Variants in ZNF787 observed in about 807,000 individuals in gnomAD.
ZNF787 encodes the protein zinc finger protein 787.
ZNF787 carries 7 observed loss-of-function variants against 16.9 expected under a neutral mutation model. The ratio of observed to expected loss-of-function variants is 0.42; its 90% CI spans 0.24 to 0.78. The LOEUF is 0.78. ZNF787 is among the 30% of genes least tolerant of loss of function. The pLI is 0.30. For missense variants in ZNF787, 551 were observed against 589.3 expected, an observed-to-expected ratio of 0.94 and a Z score of 0.67; for synonymous variants, 345 against 270.9, an observed-to-expected ratio of 1.27 and a Z score of -2.69.
chr19:56,096,410 C>A (rs1985876101), intron 2 of ZNF787, among the ~76,000 whole-genome samples: 1 of 151,772 alleles, frequency 6.6e-6, no homozygotes, highest in African/African-American at 2.4e-5. Flanking sequence ...CAGAGCAAGA[C>A]CCTGTCTCCA....
chr19:56,104,531 C>G (rs959115816), intron 1 of ZNF787, among the ~76,000 whole-genome samples: 1 of 151,610 alleles, frequency 6.6e-6, no homozygotes, highest in Admixed American at 6.6e-5. Context: ...ACACACGCCA[C>G]TGATCCGTGC....
In ZNF787 at chr19:56,088,083, G is replaced by T; in HGVS notation, c.1089C>A (p.Asp363Glu). 1 of 1,491,134 alleles carries T rather than the reference G, an allele frequency of 6.7e-7. No individual in the cohort carries two copies. Among genetic ancestry groups the T allele is most frequent in the Non-Finnish European group, 8.9e-7 (1 of 1,129,438 alleles). The allele number at this position is 1,491,134 out of a possible 1,614,324, so 92.4% of individuals were successfully genotyped here. The change falls in exon 3 of 3, where the codon GAC becomes GAA. Residue 363 changes from aspartate to glutamate, a missense_variant. Transcript: ENST00000610935. This position sits in a 1 kb window ranked among gnomAD's most constrained non-coding sequence, Gnocchi z 8.6. The stretch of plus-strand genomic sequence containing the variant: ...GCCCGCCCGCGGCCTCGTCGTCGTC[G>T]TCCTCCTCCTCCCCGCCCGCGCGGT... ...SYYRAGGEEEDDDDEAAGGRC... is the reference protein window; with the variant it reads ...SYYRAGGEEEEDDDEAAGGRC...
chr19:56,100,275 A>G (rs1026224990), intron 2 of ZNF787, among the ~76,000 whole-genome samples: 7 of 150,418 alleles, frequency 4.7e-5, no homozygotes, highest in Admixed American at 4.6e-4. Flanking sequence ...ACCCTGCCCC[A>G]TGACCCAGCA....
At chr19:56,099,118 G>A (rs1985993746) in intron 2 of ZNF787, among the ~76,000 whole-genome samples, 1 of 152,174 alleles carries the variant, frequency 6.6e-6, no homozygotes, top group Non-Finnish European at 1.5e-5. Flanking sequence ...GGCCACTGCT[G>A]TCCGGGTTCC....
intron 1 of ZNF787, among the ~76,000 whole-genome samples, chr19:56,116,909 G>A (rs956213942): frequency 5.9e-5 from 9 of 152,158 alleles, no homozygotes; most frequent in South Asian, 2.1e-4. Context: ...CATCAAGCAC[G>A]GATTAAATCC....
In ZNF787 at chr19:56,088,717, C is replaced by A; in HGVS notation, c.455G>T (p.Cys152Phe). The change falls in exon 3 of 3, where the codon TGC becomes TTC. Residue 152 changes from cysteine to phenylalanine, a missense_variant. Coordinates refer to ENST00000610935, the MANE Select transcript of ZNF787 (RefSeq NM_001002836.4). This position sits in a 1 kb window ranked among gnomAD's most constrained non-coding sequence, Gnocchi z 8.6. Reference protein sequence around the residue: ...RIHTGEKPYTCPDCGRSFTQS... With the variant: ...RIHTGEKPYTFPDCGRSFTQS... ...AGTGAAGCTGCGGCCGCAGTCGGGG[C>A]AGGTGTAGGGCTTCTCGCCCGTGTG... 6.2e-7 allele frequency: 1 copy of A among 1,607,994 alleles called. No homozygotes were observed. The highest frequency in any genetic ancestry group is 8.5e-7 in the Non-Finnish European group (1 of 1,178,208).
Position 56,088,056 on chromosome 19 carries a change from C to G in ZNF787, c.1116G>C (p.Arg372=). 7.1e-7 allele frequency: 1 copy of G among 1,416,232 alleles called. No individual in the cohort carries two copies. Among genetic ancestry groups the G allele is most frequent in the South Asian group, 1.5e-5 (1 of 68,594 alleles). The allele number at this position is 1,416,232 out of a possible 1,614,324, so 87.7% of individuals were successfully genotyped here. A position where few individuals can be genotyped will look rare whatever the true frequency, so the allele number is the denominator to read the frequency against. Residue 372 remains arginine (R), a synonymous_variant, in exon 3 of 3, where the codon CGG becomes CGC. Transcript: ENST00000610935. The surrounding 1 kb of genome is among the most constrained non-coding windows in gnomAD (Gnocchi z 8.6). The part of the protein sequence containing the change: ...EDDDDEAAGG[R]CPECRGGEGR ...CCTCCCCACCGCGGCACTCGGGGCA[C>G]CGCCCGCCCGCGGCCTCGTCGTCGT...
intron 2 of ZNF787, 45 bp from the exon 3 acceptor site, chr19:56,089,137 G>GA: frequency 7.2e-7 from 1 of 1,383,204 alleles, no homozygotes. Context: ...GAGAGGCAAG[G>GA]GCTCCACGCC....
chr19:56,102,569 A>G (rs1986141251), intron 2 of ZNF787: 1 of 418,022 alleles, frequency 2.4e-6, no homozygotes, highest in Non-Finnish European at 4.3e-6. Flanking sequence ...TAAACAAACA[A>G]AACACATTGC....
At chr19:56,115,715 C>T (rs546221606) in intron 1 of ZNF787, among the ~76,000 whole-genome samples, 1 of 152,220 alleles carries the variant, frequency 6.6e-6, no homozygotes, top group African/African-American at 2.4e-5. Context: ...AGCACAGCGA[C>T]GGCAGAGACA....
At chr19:56,120,574 G>T (rs1309184586) in intron 1 of ZNF787, among the ~76,000 whole-genome samples, 6 of 152,204 alleles carry the variant, frequency 3.9e-5, no homozygotes, top group African/African-American at 1.4e-4. Context: ...CCTGATCAAA[G>T]GCCACGCGCA....
chr19:56,120,523 T>C (rs947287749), intron 1 of ZNF787, among the ~76,000 whole-genome samples: 1 of 152,066 alleles, frequency 6.6e-6, no homozygotes, highest in African/African-American at 2.4e-5. Flanking sequence ...CAAGGACGAA[T>C]GAATGGGCCT....
At chr19:56,098,987 G>A (rs528537108) in intron 2 of ZNF787, among the ~76,000 whole-genome samples, 3 of 152,308 alleles carry the variant, frequency 2.0e-5, no homozygotes, top group Admixed American at 1.3e-4. Context: ...CACTGCCTCG[G>A]TGTGGCCAGG....
At chr19:56,092,548 A>T (rs1985658945) in intron 2 of ZNF787, among the ~76,000 whole-genome samples, 3 of 150,086 alleles carry the variant, frequency 2.0e-5, no homozygotes, top group Non-Finnish European at 4.4e-5. Flanking sequence ...TTTTAAGATA[A>T]AATTCCTGAG....
Position 56,098,915 on chromosome 19 carries a change from A to C in ZNF787, c.79+4224T>G, listed in dbSNP as rs1599946299. ...AGCCTAGGTGATAAGGCGGCACCAG[A>C]GAGAAGTGGCACAGCAGGACACTGC... is the stretch of plus-strand genomic sequence containing the variant. On this transcript the variant is annotated intron_variant, in intron 2 of 2. Transcript: ENST00000610935. Among the ~76,000 whole-genome samples the C allele has an allele frequency of 2.0e-5, 3 of 151,930 alleles. No individual in the cohort carries two copies. In the South Asian group the frequency reaches 6.2e-4, roughly 31 times the overall value.
At chr19:56,106,228 A>G (rs752112283) in intron 1 of ZNF787, among the ~76,000 whole-genome samples, 1 of 151,678 alleles carries the variant, frequency 6.6e-6, no homozygotes, top group Non-Finnish European at 1.5e-5. Context: ...TGCGTGTCTG[A>G]CTCTTCCACA....
At chr19:56,107,836 GGA>G (rs1568532441) in intron 1 of ZNF787, among the ~76,000 whole-genome samples, 1 of 150,808 alleles carries the variant, frequency 6.6e-6, no homozygotes, top group Admixed American at 6.6e-5. Flanking sequence ...GGGGGCTGCG[GGA>G]GAGGCCGCTC....
intron 2 of ZNF787, among the ~76,000 whole-genome samples, chr19:56,100,432 C>T (rs1038766539): frequency 2.6e-5 from 4 of 152,170 alleles, no homozygotes; most frequent in African/African-American, 7.2e-5. Flanking sequence ...ACAAGGTAGG[C>T]TGAGGGCCTG....
At chr19:56,096,363 G>A (rs1015889909) in intron 2 of ZNF787, among the ~76,000 whole-genome samples, 1 of 152,142 alleles carries the variant, frequency 6.6e-6, no homozygotes, top group Non-Finnish European at 1.5e-5. Flanking sequence ...AGGCTGCAGT[G>A]AGCAGAGATG....
Sources: allele counts gnomAD v4.1 joint callset (sites outside exome capture counted in the v4.1 genomes callset), GRCh38; gene constraint gnomAD v4.1.1; non-coding constraint Gnocchi (gnomAD v3.1); transcripts MANE v1.5; gene names NCBI Gene and HGNC (gene_info 2026-07-23, HGNC 2026-07-21).